The following ARFIP1 variants were observed in gnomAD, a reference collection of about 807,000 sequenced individuals.
The protein encoded by ARFIP1 is ARF interacting protein 1.
ARFIP1 carries 24 observed loss-of-function variants against 42.5 expected under a neutral mutation model. That is an observed-to-expected ratio of 0.57 (90% CI 0.41 to 0.80). The LOEUF is 0.80. Among genes scored for constraint, ARFIP1 ranks in the 30% least tolerant of loss-of-function variants. The pLI, the probability that ARFIP1 is intolerant of heterozygous loss-of-function variation, is 0.00. For missense variants in ARFIP1, 354 were observed against 434.0 expected (o/e 0.82, Z 1.64); for synonymous variants, 141 against 153.7 (o/e 0.92, Z 0.61).
intron 1 of ARFIP1, among the ~76,000 whole-genome samples, chr4:152,788,020 G>A (rs1730910763): frequency 6.6e-6 from 1 of 152,196 alleles, no homozygotes; most frequent in African/African-American, 2.4e-5. Context: ...GAGGTTGGGA[G>A]TTCAAGACCA....
intron 8 of ARFIP1, among the ~76,000 whole-genome samples, chr4:152,894,207 CAA>C (rs767223798): frequency 1.9e-4 from 16 of 82,950 alleles, no homozygotes; most frequent in Admixed American, 2.9e-4. Context: ...GACTCTGTCT[CAA>C]AAAAAAAAAA....
At chr4:152,841,150 C>G (rs563263074) in intron 2 of ARFIP1, among the ~76,000 whole-genome samples, 2 of 152,106 alleles carry the variant, frequency 1.3e-5, no homozygotes, top group South Asian at 4.2e-4. Context: ...ATTCTTCTGC[C>G]TCAGCCTCCC....
chr4:152,859,818 C>T (rs780461414), intron 2 of ARFIP1, among the ~76,000 whole-genome samples: 8 of 150,242 alleles, frequency 5.3e-5, no homozygotes, highest in Non-Finnish European at 1.0e-4. Flanking sequence ...CAGATCTCTC[C>T]GACTTGTAAA....
Position 152,875,378 on chromosome 4 carries a change from T to TAAAAAA in ARFIP1, c.411+2832_411+2837dup, listed in dbSNP as rs11302481. On this transcript the variant is annotated intron_variant, in intron 5 of 8. Coordinates refer to ENST00000353617, the MANE Select transcript of ARFIP1 (RefSeq NM_001025595.3). Reference sequence around the variant, plus strand: ...GCTTTTTGAAGTTTGTCTTTTTTTATAAAAAAAAAAAAAAAAAAAAAAAGA... The same window carrying TAAAAAA: ...GCTTTTTGAAGTTTGTCTTTTTTTATAAAAAAAAAAAAAAAAAAAAAAAAAAAAAGA... Among the ~76,000 whole-genome samples, 8 of 100,138 alleles carry TAAAAAA rather than the reference T, an allele frequency of 8.0e-5. No individual in the cohort carries two copies. The South Asian group carries it at 1.7e-3, about 21-fold the overall frequency. 65.7% of individuals were successfully genotyped at this position (100,138 alleles called of 152,430 possible). A position where few individuals can be genotyped will look rare whatever the true frequency, so the allele number is the denominator to read the frequency against.
At chr4:152,804,411 T>A (rs1460712782) in intron 1 of ARFIP1, among the ~76,000 whole-genome samples, 4 of 107,482 alleles carry the variant, frequency 3.7e-5, no homozygotes, top group African/African-American at 1.5e-4. Context: ...TAATATAACA[T>A]GTATTATATA....
At chr4:152,867,357 A>G (rs1283846286) in intron 3 of ARFIP1, among the ~76,000 whole-genome samples, 4 of 152,154 alleles carry the variant, frequency 2.6e-5, no homozygotes, top group African/African-American at 4.8e-5. Flanking sequence ...CCAGTCAGGC[A>G]TGGCGGTGCG....
intron 2 of ARFIP1, 32 bp from the exon 3 acceptor site, chr4:152,863,574 A>G (rs568899855): frequency 1.5e-6 from 2 of 1,307,342 alleles, no homozygotes; most frequent in Admixed American, 1.9e-5. Context: ...ATTTTTTTAC[A>G]AAGTTTTTTC....
chr4:152,884,370 A>G (rs1054348703), intron 7 of ARFIP1, among the ~76,000 whole-genome samples: 3 of 152,022 alleles, frequency 2.0e-5, no homozygotes, highest in East Asian at 1.9e-4. Flanking sequence ...ATTCATTTAT[A>G]TAAGTTTTAC....
intron 2 of ARFIP1, among the ~76,000 whole-genome samples, chr4:152,862,260 A>G (rs1733955208): frequency 1.3e-5 from 2 of 152,162 alleles, no homozygotes; most frequent in Non-Finnish European, 2.9e-5. Flanking sequence ...CCAGCGTTCC[A>G]TATCATCCAT....
intron 1 of ARFIP1, 96 bp from the exon 2 acceptor site, chr4:152,829,529 A>G: frequency 1.4e-6 from 1 of 712,494 alleles, no homozygotes; most frequent in Admixed American, 2.7e-5. Flanking sequence ...CAATGATAAA[A>G]AATATTAAAA....
chr4:152,829,736 C>CT lies in ARFIP1; in HGVS notation c.93+14dup. The stretch of plus-strand genomic sequence containing the variant: ...ACATAGCTTTAATAGGGTAAGAACA[C>CT]TTTTCTTTCTCTTAATGCAAAGAAT... On this transcript the variant is annotated intron_variant, in intron 2 of 8. Coordinates refer to ENST00000353617, the MANE Select transcript of ARFIP1 (RefSeq NM_001025595.3). 6.4e-7 allele frequency: 1 copy of CT among 1,562,312 alleles called. No individual in the cohort carries two copies. The highest frequency in any genetic ancestry group is 8.7e-7 in the Non-Finnish European group (1 of 1,148,724).
At chr4:152,808,730 G>T (rs957795103) in intron 1 of ARFIP1, among the ~76,000 whole-genome samples, 12 of 152,108 alleles carry the variant, frequency 7.9e-5, no homozygotes, top group Admixed American at 7.9e-4. Context: ...AAGTTGAGCT[G>T]AATGACTTTG....
intron 2 of ARFIP1, among the ~76,000 whole-genome samples, chr4:152,862,409 G>A (rs1443546707): frequency 6.6e-6 from 1 of 150,540 alleles, no homozygotes; most frequent in Non-Finnish European, 1.5e-5. Flanking sequence ...ATTGCATATT[G>A]CCTTCACCTG....
At chr4:152,809,836 A>G (rs1165132261) in intron 1 of ARFIP1, 1 of 152,162 alleles carries the variant, frequency 6.6e-6, no homozygotes, top group East Asian at 1.9e-4. Context: ...AAAATCACCT[A>G]TTACAAATGC....
intron 2 of ARFIP1, among the ~76,000 whole-genome samples, chr4:152,836,946 C>CA (rs1731698860): frequency 6.6e-6 from 1 of 151,868 alleles, no homozygotes; most frequent in Non-Finnish European, 1.5e-5. Context: ...CTCTTCCCCC[C>CA]AAACCACTAA....
intron 1 of ARFIP1, among the ~76,000 whole-genome samples, chr4:152,822,078 G>A (rs1294252505): frequency 6.6e-6 from 1 of 151,982 alleles, no homozygotes; most frequent in Non-Finnish European, 1.5e-5. Flanking sequence ...CAGTCACTAG[G>A]TAACAACATG....
intron 3 of ARFIP1, among the ~76,000 whole-genome samples, chr4:152,869,261 A>G (rs1203620326): frequency 1.3e-5 from 2 of 152,180 alleles, no homozygotes; most frequent in Non-Finnish European, 2.9e-5. Flanking sequence ...TACTTAATGC[A>G]TGTATTTTTT....
intron 2 of ARFIP1, among the ~76,000 whole-genome samples, chr4:152,840,087 T>C (rs945980112): frequency 2.0e-5 from 3 of 152,226 alleles, no homozygotes; most frequent in African/African-American, 7.2e-5. Context: ...TGATATCCAG[T>C]TTTATTCCAC....
intron 1 of ARFIP1, among the ~76,000 whole-genome samples, chr4:152,812,444 G>T (rs1162456808): frequency 6.6e-6 from 1 of 152,144 alleles, no homozygotes; most frequent in Non-Finnish European, 1.5e-5. Flanking sequence ...TCTCCCTCCT[G>T]GCCTCCCAAA....
Sources: gnomAD v4.1 joint callset for allele counts (sites outside exome capture counted in the v4.1 genomes callset) on GRCh38, gnomAD v4.1.1 for gene constraint, MANE v1.5 for transcripts, NCBI Gene and HGNC (gene_info 2026-07-23, HGNC 2026-07-21) for gene names.